HNF4G: variants seen among roughly 807,000 people sequenced by gnomAD.
HNF4G encodes the protein hepatocyte nuclear factor 4 gamma, also known as hepatocyte nuclear factor 4-gamma.
Under a neutral mutation model 50.9 loss-of-function variants are expected in HNF4G, and 21 were observed. The observed-to-expected ratio is 0.41, with a 90% CI of 0.29 to 0.59. The LOEUF (loss-of-function observed/expected upper bound fraction) is 0.59. Among genes scored for constraint, HNF4G ranks in the 20% least tolerant of loss-of-function variants. The pLI, the probability that HNF4G is intolerant of heterozygous loss-of-function variation, is 0.26. For synonymous variants in HNF4G, 198 were observed against 185.6 expected (o/e 1.07, Z -0.54); for missense variants, 527 against 559.4 (o/e 0.94, Z 0.58).
chr8:75,445,743 C>T (rs1811410374), intron 1 of HNF4G, among the ~76,000 whole-genome samples: 1 of 144,122 alleles, frequency 6.9e-6, no homozygotes, highest in Non-Finnish European at 1.5e-5. Flanking sequence ...GAAGTTGAAT[C>T]TCTGAATAGA....
intron 1 of HNF4G, among the ~76,000 whole-genome samples, chr8:75,484,405 T>G (rs1156512724): frequency 1.3e-5 from 2 of 152,224 alleles, no homozygotes; most frequent in Non-Finnish European, 2.9e-5. Flanking sequence ...AAACAACCTT[T>G]GAGTTCTGAG....
At chr8:75,435,337 T>C (rs1438065087) in intron 1 of HNF4G, among the ~76,000 whole-genome samples, 3 of 152,200 alleles carry the variant, frequency 2.0e-5, no homozygotes, top group Non-Finnish European at 4.4e-5. Context: ...AAACAACCTA[T>C]AAAATTAATG....
At position 75,564,026 on chromosome 8, in the gene HNF4G, A is replaced by G. The variant is rs754662822; in HGVS notation, c.1298A>G (p.Gln433Arg). The change falls in exon 10 of 10, where the codon CAG becomes CGG. Residue 433 changes from glutamine to arginine, a missense_variant. By Grantham distance (43) the Gln-to-Arg change is conservative. This residue lies in a region of HNF4G where 308 missense variants were observed against 301.5 expected (regional missense o/e 1.02). Transcript: ENST00000396423. ...CCACCACAAGGCTCTGGGCAAGAAC[A>G]GTACAAAATAGCTGCAAACCAAGCA... ...PSPPQGSGQEQYKIAANQASV... is the reference protein window; with the variant it reads ...PSPPQGSGQERYKIAANQASV... 7 of 1,613,668 alleles carry G rather than the reference A, an allele frequency of 4.3e-6. No homozygotes were observed. The African/African-American group carries it at 6.7e-5, about 15-fold the overall frequency.
At chr8:75,558,405 C>A in intron 6 of HNF4G, 113 bp from the exon 7 acceptor site, 1 of 895,814 alleles carries the variant, frequency 1.1e-6, no homozygotes, top group Non-Finnish European at 1.7e-6. Context: ...CATCACTATT[C>A]CTTCAAGGGT....
At chr8:75,432,364 T>C (rs540953649) in intron 1 of HNF4G, among the ~76,000 whole-genome samples, 1 of 152,292 alleles carries the variant, frequency 6.6e-6, no homozygotes, top group African/African-American at 2.4e-5. Context: ...TTGCCCAGGC[T>C]GGAGTGCAGT....
At chr8:75,502,280 CAG>C (rs1177596026) in intron 2 of HNF4G, among the ~76,000 whole-genome samples, 1 of 152,136 alleles carries the variant, frequency 6.6e-6, no homozygotes, top group Non-Finnish European at 1.5e-5. Context: ...GTGTGAAAGA[CAG>C]AGAATTGAGA....
chr8:75,495,155 C>G (rs757886924), intron 2 of HNF4G, among the ~76,000 whole-genome samples: 4 of 152,132 alleles, frequency 2.6e-5, no homozygotes. Context: ...GACTATGTTC[C>G]TAAAACTTAA....
rs1209691575 is a variant in HNF4G at position 75,558,602 on chromosome 8, C to T, written c.818C>T (p.Pro273Leu). The T allele has an allele frequency of 1.2e-6, 2 of 1,613,676 alleles. No individual in the cohort carries two copies. Among genetic ancestry groups the T allele is most frequent in the African/African-American group, 2.7e-5 (2 of 74,896 alleles). The change falls in exon 7 of 10, where the codon CCA becomes CTA. Residue 273 changes from proline to leucine, a missense_variant. Pro to Leu is a moderately conservative substitution (Grantham distance 98). Coordinates refer to ENST00000396423, the MANE Select transcript of HNF4G (RefSeq NM_004133.5). The part of the protein sequence containing the change: ...ANRVLDELVR[P>L]FQEIQIDDNE... ...CGTGTTCTAGATGAGCTGGTTAGACCATTTCAAGAAATCCAGATTGATGAC... is the reference window on the plus strand; with the variant it reads ...CGTGTTCTAGATGAGCTGGTTAGACTATTTCAAGAAATCCAGATTGATGAC...
chr8:75,421,798 G>C (rs966739156), intron 1 of HNF4G, among the ~76,000 whole-genome samples: 6 of 152,128 alleles, frequency 3.9e-5, no homozygotes, highest in Admixed American at 3.9e-4. Context: ...GCTAGTAGAG[G>C]CCACTGCTGG....
chr8:75,485,801 C>T (rs538669169), intron 1 of HNF4G: 4 of 152,176 alleles, frequency 2.6e-5, no homozygotes, highest in South Asian at 2.1e-4. Flanking sequence ...CTGCCTTGAC[C>T]GTCCCTGCTC....
chr8:75,460,608 G>A (rs1383885150), intron 1 of HNF4G, among the ~76,000 whole-genome samples: 1 of 152,144 alleles, frequency 6.6e-6, no homozygotes, highest in Non-Finnish European at 1.5e-5. Context: ...AATATTATGT[G>A]GGTGGAAACT....
chr8:75,432,824 T>C (rs1427996033), intron 1 of HNF4G, among the ~76,000 whole-genome samples: 1 of 152,184 alleles, frequency 6.6e-6, no homozygotes, highest in Non-Finnish European at 1.5e-5. Flanking sequence ...AAACACAATG[T>C]AGCTTTCACC....
intron 1 of HNF4G, among the ~76,000 whole-genome samples, chr8:75,454,349 G>C (rs1811667847): frequency 6.6e-6 from 1 of 152,114 alleles, no homozygotes; most frequent in African/African-American, 2.4e-5. Context: ...GTGATACTGA[G>C]GGTTAAATGA....
intron 1 of HNF4G, among the ~76,000 whole-genome samples, chr8:75,449,689 A>G (rs1030893005): frequency 6.6e-6 from 1 of 151,554 alleles, no homozygotes; most frequent in Non-Finnish European, 1.5e-5. Context: ...TTGTATTTTT[A>G]GTAGAGACGG....
intron 2 of HNF4G, among the ~76,000 whole-genome samples, chr8:75,520,144 A>T (rs554399579): frequency 6.6e-5 from 10 of 152,250 alleles, no homozygotes; most frequent in South Asian, 2.1e-4. Flanking sequence ...AATTAATAAG[A>T]TAATTTCTCT....
In HNF4G at chr8:75,544,835, G is replaced by A. The variant is rs114051677; in HGVS notation, c.287+856G>A. 8.7e-3 allele frequency among the ~76,000 whole-genome samples: 1,323 copies of A among 152,094 alleles called. 13 individuals are homozygous for A. The highest frequency in any genetic ancestry group is 0.028 in the African/African-American group (1,162 of 41,524). On this transcript the variant is annotated intron_variant, in intron 2 of 9. Coordinates refer to ENST00000396423, the MANE Select transcript of HNF4G (RefSeq NM_004133.5). ...TGTTGGTTCTGTCAATAAAAGGTACGTGTAGAATTATGTTCTTTTAAGAAC... is the reference window on the plus strand; with the variant it reads ...TGTTGGTTCTGTCAATAAAAGGTACATGTAGAATTATGTTCTTTTAAGAAC...
At chr8:75,442,479 T>C (rs1585846554) in intron 1 of HNF4G, among the ~76,000 whole-genome samples, 1 of 151,928 alleles carries the variant, frequency 6.6e-6, no homozygotes, top group Non-Finnish European at 1.5e-5. Context: ...AAGGCCAAGG[T>C]GGGAGGATCA....
In HNF4G at chr8:75,548,718, G is replaced by A. The variant is rs569647530; in HGVS notation, c.382+1037G>A. 7.2e-5 allele frequency among the ~76,000 whole-genome samples: 11 copies of A among 152,232 alleles called. No individual in the cohort carries two copies. The South Asian group carries it at 2.3e-3, about 32-fold the overall frequency. On this transcript the variant is annotated intron_variant, in intron 3 of 9. Coordinates refer to ENST00000396423, the MANE Select transcript of HNF4G (RefSeq NM_004133.5). ...TGGTCATGCCTATCATATACAAAGA[G>A]ATGTTTTTCACAACTATTTCACAAA...
chr8:75,516,163 A>G (rs1805884110), intron 2 of HNF4G, among the ~76,000 whole-genome samples: 1 of 152,274 alleles, frequency 6.6e-6, no homozygotes, highest in African/African-American at 2.4e-5. Flanking sequence ...CTGTCTGGGC[A>G]TCACTTAGCC....
Sources: allele counts gnomAD v4.1 joint callset (sites outside exome capture counted in the v4.1 genomes callset), GRCh38; gene constraint gnomAD v4.1.1; regional missense constraint gnomAD v4.1.1; transcripts MANE v1.5; gene names NCBI Gene and HGNC (gene_info 2026-07-23, HGNC 2026-07-21).